The following AKAP12 variants were observed in gnomAD, a reference collection of about 807,000 sequenced individuals.
The protein encoded by AKAP12 is A-kinase anchor protein 12.
AKAP12 carries 32 observed loss-of-function variants against 79.9 expected under a neutral mutation model. The ratio of observed to expected loss-of-function variants is 0.40; its 90% CI spans 0.30 to 0.54. AKAP12 has a LOEUF of 0.54. AKAP12 is among the 20% of genes least tolerant of loss of function. The pLI is 0.48. For missense variants in AKAP12, 2,074 were observed against 2,177.0 expected (o/e 0.95, Z 0.94); for synonymous variants, 808 against 857.0 (o/e 0.94, Z 1.00).
intron 2 of AKAP12, among the ~76,000 whole-genome samples, chr6:151,262,511 A>G (rs1030383611): frequency 5.3e-5 from 8 of 152,128 alleles, no homozygotes; most frequent in African/African-American, 1.9e-4. Flanking sequence ...CTTTGGCTCT[A>G]AATTTATCCC....
chr6:151,253,463 A>G (rs1030131198), intron 2 of AKAP12, among the ~76,000 whole-genome samples: 2 of 151,746 alleles, frequency 1.3e-5, no homozygotes, highest in Non-Finnish European at 2.9e-5. Context: ...CTTGGGCTGA[A>G]AGGATAGTCC....
intron 3 of AKAP12, among the ~76,000 whole-genome samples, chr6:151,336,822 T>C (rs1419619175): frequency 6.6e-6 from 1 of 152,240 alleles, no homozygotes; most frequent in East Asian, 1.9e-4. Flanking sequence ...TAATTAGTGA[T>C]GCTGAGAATG....
At position 151,247,427 on chromosome 6, in the gene AKAP12, AAAAC is replaced by A. The variant is rs549252938; in HGVS notation, c.162+6707_162+6710del. On this transcript the variant is annotated intron_variant, in intron 2 of 4. Coordinates refer to ENST00000402676, the MANE Select transcript of AKAP12 (RefSeq NM_005100.4). ...ATTTAAAAAAACAAAACAAAACAAA[AAAAC>A]AAAAAAACTTTTTCCCCAGAAATTA... Among the ~76,000 whole-genome samples, 12 of 152,178 alleles carry A rather than the reference AAAAC, an allele frequency of 7.9e-5. No individual in the cohort carries two copies. In the South Asian group the frequency reaches 2.3e-3, roughly 29 times the overall value.
At chr6:151,275,271 A>T in intron 2 of AKAP12, among the ~76,000 whole-genome samples, 1 of 152,132 alleles carries the variant, frequency 6.6e-6, no homozygotes, top group East Asian at 1.9e-4. Flanking sequence ...TGGAAAACAC[A>T]TTTGAAAGGC....
At chr6:151,258,389 ATT>A (rs1378728453) in intron 2 of AKAP12, among the ~76,000 whole-genome samples, 1 of 152,204 alleles carries the variant, frequency 6.6e-6, no homozygotes, top group East Asian at 1.9e-4. Context: ...TTTTTTCAGC[ATT>A]GGAGAAGAAC....
Position 151,304,426 on chromosome 6 carries a change from T to G in AKAP12, c.163-1321T>G, listed in dbSNP as rs1279118116. ...ATCACTTGAACCTGGGAACTGGAGG[T>G]TGCAGTGAACCGAGATCACGCCACT... is the stretch of plus-strand genomic sequence containing the variant. On this transcript the variant is annotated intron_variant, in intron 2 of 4. Coordinates refer to ENST00000402676, the MANE Select transcript of AKAP12 (RefSeq NM_005100.4). 7.5e-5 allele frequency among the ~76,000 whole-genome samples: 9 copies of G among 120,502 alleles called. No individual in the cohort carries two copies. The South Asian group carries it at 2.4e-3, about 32-fold the overall frequency. The allele number at this position is 120,502 out of a possible 152,430, so 79.1% of individuals were successfully genotyped here.
At position 151,264,303 on chromosome 6, in the gene AKAP12, G is replaced by A. The variant is rs866095925; in HGVS notation, c.162+23579G>A. On this transcript the variant is annotated intron_variant, in intron 2 of 4. Coordinates refer to ENST00000402676, the MANE Select transcript of AKAP12 (RefSeq NM_005100.4). ...CTAGTATGTTTAAAGCAAATTATTA[G>A]TTTTGCTCAAAGTGCCACTGACATC... 4.8e-5 allele frequency among the ~76,000 whole-genome samples: 7 copies of A among 146,306 alleles called. No homozygotes were observed. In the South Asian group the frequency reaches 1.5e-3, roughly 32 times the overall value.
At position 151,357,878 on chromosome 6, in the gene AKAP12, G is replaced by A. The variant is rs990487494; in HGVS notation, c.*2164G>A. ...TCTGTGCTGTTTTGAACAGATTAAA[G>A]ATTTGTGTAGTTTGTGGGAAATTGA... On this transcript the variant is annotated 3_prime_UTR_variant, in exon 5 of 5. Coordinates refer to ENST00000402676, the MANE Select transcript of AKAP12 (RefSeq NM_005100.4). The A allele has an allele frequency of 3.3e-5, 5 of 152,034 alleles. No homozygotes were observed. The highest frequency in any genetic ancestry group is 3.3e-4 in the Admixed American group (5 of 15,258). The allele number at this position is 152,034 out of a possible 1,614,324, so 9.4% of individuals were successfully genotyped here.
intron 3 of AKAP12, among the ~76,000 whole-genome samples, chr6:151,308,567 A>G (rs1003762211): frequency 6.6e-6 from 1 of 152,086 alleles, no homozygotes; most frequent in African/African-American, 2.4e-5. Context: ...CCTCTAGGAA[A>G]AAAGAACTAG....
chr6:151,312,632 A>C (rs1179296008), intron 3 of AKAP12, among the ~76,000 whole-genome samples: 4 of 152,052 alleles, frequency 2.6e-5, no homozygotes, highest in Non-Finnish European at 5.9e-5. Flanking sequence ...TCTACTAAAA[A>C]TACAAAAAAA....
At chr6:151,334,558 G>A (rs1777762271) in intron 3 of AKAP12, among the ~76,000 whole-genome samples, 1 of 151,212 alleles carries the variant, frequency 6.6e-6, no homozygotes, top group South Asian at 2.1e-4. Context: ...TCATGCCACT[G>A]TACTCCAGCC....
intron 2 of AKAP12, among the ~76,000 whole-genome samples, chr6:151,283,716 G>T (rs182912343): frequency 6.6e-6 from 1 of 152,320 alleles, no homozygotes; most frequent in Non-Finnish European, 1.5e-5. Context: ...GACAGAGACA[G>T]AATTCAGTAT....
intron 2 of AKAP12, among the ~76,000 whole-genome samples, chr6:151,297,198 G>GTGTA (rs1776752648): frequency 6.7e-6 from 1 of 148,568 alleles, no homozygotes; most frequent in South Asian, 2.1e-4. Context: ...CTGGGTGTAT[G>GTGTA]TGTATGTGTG....
At chr6:151,296,275 T>G (rs548758789) in intron 2 of AKAP12, among the ~76,000 whole-genome samples, 17 of 152,332 alleles carry the variant, frequency 1.1e-4, no homozygotes, top group Non-Finnish European at 2.2e-4. Flanking sequence ...TTTCATGTGG[T>G]TGGAGAGAGC....
chr6:151,346,918 C>A (rs1778115390), intron 3 of AKAP12, among the ~76,000 whole-genome samples: 1 of 151,952 alleles, frequency 6.6e-6, no homozygotes, highest in Admixed American at 6.6e-5. Flanking sequence ...AGAAGCGCTC[C>A]CTTCTCCTCA....
chr6:151,247,727 A>G (rs149284884), intron 2 of AKAP12, among the ~76,000 whole-genome samples: 2 of 152,324 alleles, frequency 1.3e-5, no homozygotes, highest in African/African-American at 4.8e-5. Context: ...TCTTGGGAAA[A>G]CAATAGAGTG....
intron 3 of AKAP12, among the ~76,000 whole-genome samples, chr6:151,341,493 T>C (rs999704878): frequency 6.6e-6 from 1 of 151,940 alleles, no homozygotes; most frequent in African/African-American, 2.4e-5. Context: ...CCCCCGGGGG[T>C]TTCCTGGGAG....
At chr6:151,298,245 G>C (rs1389573058) in intron 2 of AKAP12, among the ~76,000 whole-genome samples, 19 of 152,146 alleles carry the variant, frequency 1.2e-4, no homozygotes, top group Non-Finnish European at 2.4e-4. Context: ...CCCAGTCCTA[G>C]AAAATCAGAA....
chr6:151,335,631 C>T (rs184897611), intron 3 of AKAP12, among the ~76,000 whole-genome samples: 2 of 152,164 alleles, frequency 1.3e-5, no homozygotes, highest in African/African-American at 4.8e-5. Context: ...CCACCACGCC[C>T]AGCTAACTTT....
Sources: gnomAD v4.1 joint callset for allele counts (sites outside exome capture counted in the v4.1 genomes callset) on GRCh38, gnomAD v4.1.1 for gene constraint, MANE v1.5 for transcripts, NCBI Gene and HGNC (gene_info 2026-07-23, HGNC 2026-07-21) for gene names.